The following GRM5 variants were observed in gnomAD, a reference collection of about 807,000 sequenced individuals.
GRM5 encodes metabotropic glutamate receptor 5.
In GRM5, 19 loss-of-function variants were observed where a neutral mutation model predicts 83.1. The ratio of observed to expected loss-of-function variants is 0.23; its 90% CI spans 0.16 to 0.34. The LOEUF is 0.34. GRM5 is among the 10% of genes least tolerant of loss of function. GRM5 has a pLI of 1.00. For synonymous variants in GRM5, 675 were observed against 633.6 expected, an observed-to-expected ratio of 1.07 and a Z score of -0.98; for missense variants, 1,160 against 1,588.3, an observed-to-expected ratio of 0.73 and a Z score of 4.58.
intron 3 of GRM5, among the ~76,000 whole-genome samples, chr11:88,680,680 C>T (rs1231987084): frequency 4.6e-5 from 7 of 152,138 alleles, no homozygotes; most frequent in East Asian, 1.9e-4. Context: ...CACAGGCACA[C>T]GTATGTTATT....
intron 2 of GRM5, among the ~76,000 whole-genome samples, chr11:88,886,517 G>A (rs1393710084): frequency 6.6e-6 from 1 of 152,066 alleles, no homozygotes; most frequent in Non-Finnish European, 1.5e-5. Context: ...GGAGAACATG[G>A]AGCATCCCCC....
chr11:88,616,256 G>A (rs1938477134), intron 4 of GRM5, among the ~76,000 whole-genome samples: 1 of 152,128 alleles, frequency 6.6e-6, no homozygotes, highest in Admixed American at 6.6e-5. Context: ...TTTGTTGCCA[G>A]AGGCATTAGC....
At chr11:88,715,999 T>G (rs1410403272) in intron 3 of GRM5, among the ~76,000 whole-genome samples, 1 of 151,978 alleles carries the variant, frequency 6.6e-6, no homozygotes, top group East Asian at 1.9e-4. Flanking sequence ...TAGAATCCCT[T>G]CCAGCTTTTG....
At chr11:88,827,157 T>C (rs1229962222) in intron 3 of GRM5, among the ~76,000 whole-genome samples, 1 of 152,192 alleles carries the variant, frequency 6.6e-6, no homozygotes, top group African/African-American at 2.4e-5. Flanking sequence ...CAAACCTCTA[T>C]GTAAATAACT....
chr11:88,829,533 A>G (rs1414736578), intron 3 of GRM5, among the ~76,000 whole-genome samples: 4 of 152,204 alleles, frequency 2.6e-5, no homozygotes, highest in Non-Finnish European at 4.4e-5. Context: ...AGTACCAAAG[A>G]GAGTATCTAA....
intron 2 of GRM5, among the ~76,000 whole-genome samples, chr11:88,951,691 TAA>T (rs1455585469): frequency 3.3e-5 from 5 of 152,234 alleles, no homozygotes; most frequent in Admixed American, 6.5e-5. Context: ...TTTCTTTCTA[TAA>T]ATTGTAAACA....
At chr11:88,982,313 T>C (rs756326631) in intron 2 of GRM5, among the ~76,000 whole-genome samples, 16 of 152,182 alleles carry the variant, frequency 1.1e-4, no homozygotes, top group African/African-American at 1.7e-4. Context: ...CTTACATTTA[T>C]AATACAATCT....
chr11:88,698,219 C>T (rs982044628), intron 3 of GRM5, among the ~76,000 whole-genome samples: 8 of 152,050 alleles, frequency 5.3e-5, no homozygotes, highest in Non-Finnish European at 1.0e-4. Flanking sequence ...TGAACATGAC[C>T]CTATATGGTC....
At chr11:88,649,055 T>C (rs1052327124) in intron 4 of GRM5, among the ~76,000 whole-genome samples, 5 of 145,300 alleles carry the variant, frequency 3.4e-5, no homozygotes, top group African/African-American at 1.3e-4. Context: ...ACATAATATA[T>C]AATATATATA....
At chr11:88,769,528 A>G (rs1048346870) in intron 3 of GRM5, among the ~76,000 whole-genome samples, 1 of 152,016 alleles carries the variant, frequency 6.6e-6, no homozygotes, top group Non-Finnish European at 1.5e-5. Flanking sequence ...CAGGAAATAT[A>G]AAAGATGAGC....
chr11:89,039,534 A>T (rs1941477353), intron 2 of GRM5, among the ~76,000 whole-genome samples: 1 of 152,104 alleles, frequency 6.6e-6, no homozygotes, highest in African/African-American at 2.4e-5. Flanking sequence ...TTCTGCTAAT[A>T]AACAAAAAAA....
chr11:88,518,472 A>G (rs188044186), intron 9 of GRM5, among the ~76,000 whole-genome samples: 93 of 152,196 alleles, frequency 6.1e-4, no homozygotes, highest in African/African-American at 2.1e-3. Flanking sequence ...ATAGAAAGTA[A>G]GAATGACAAT....
At chr11:88,615,098 C>T (rs543959752) in intron 4 of GRM5, among the ~76,000 whole-genome samples, 9 of 152,106 alleles carry the variant, frequency 5.9e-5, no homozygotes, top group Non-Finnish European at 1.0e-4. Flanking sequence ...TAAAAGCTGA[C>T]GGATGTACAT....
chr11:88,724,435 C>A (rs1418685673), intron 3 of GRM5, among the ~76,000 whole-genome samples: 1 of 152,148 alleles, frequency 6.6e-6, no homozygotes, highest in Admixed American at 6.6e-5. Flanking sequence ...GGTGTTATTG[C>A]ACAGTTCTTA....
chr11:88,934,693 T>C (rs520836), intron 2 of GRM5, among the ~76,000 whole-genome samples: 66,186 of 151,648 alleles, frequency 0.44, 14,853 homozygotes, highest in East Asian at 0.57. Context: ...TCAAACCTTA[T>C]TTGAAAATTT....
At chr11:88,957,489 T>C (rs548534108) in intron 2 of GRM5, among the ~76,000 whole-genome samples, 3 of 152,326 alleles carry the variant, frequency 2.0e-5, no homozygotes, top group Admixed American at 2.0e-4. Context: ...TTGAACTTAG[T>C]TCTAAACAAC....
chr11:89,018,110 A>C (rs1383739488), intron 2 of GRM5, among the ~76,000 whole-genome samples: 1 of 152,218 alleles, frequency 6.6e-6, no homozygotes, highest in Non-Finnish European at 1.5e-5. Context: ...AGCATCTGAC[A>C]CAATATATGG....
At chr11:88,868,855 A>T (rs1261532899) in intron 2 of GRM5, among the ~76,000 whole-genome samples, 1 of 151,776 alleles carries the variant, frequency 6.6e-6, no homozygotes, top group African/African-American at 2.4e-5. Flanking sequence ...CAGGGATCTT[A>T]ATAGCTAAAG....
chr11:88,811,717 T>G (rs11021418), intron 3 of GRM5, among the ~76,000 whole-genome samples: 3,864 of 152,202 alleles, frequency 0.025, 172 homozygotes, highest in African/African-American at 0.089. Context: ...ATGTACTGTT[T>G]TATGTATTAA....
Sources: allele counts gnomAD v4.1 joint callset (sites outside exome capture counted in the v4.1 genomes callset), GRCh38; gene constraint gnomAD v4.1.1; transcripts MANE v1.5; gene names NCBI Gene and HGNC (gene_info 2026-07-23, HGNC 2026-07-21).